Variants in GPHN observed in about 807,000 individuals in gnomAD.
GPHN encodes the protein gephyrin.
A neutral mutation model predicts 95.5 loss-of-function variants in GPHN; 17 were observed. That is an observed-to-expected ratio of 0.18 (90% confidence interval 0.12 to 0.27). The LOEUF is 0.27. Among genes scored for constraint, GPHN ranks in the 10% least tolerant of loss-of-function variants. The probability of loss-of-function intolerance (pLI) is 1.00; values close to 1 mark genes in which losing one functional copy is unlikely to be tolerated. For synonymous variants in GPHN, 320 were observed against 322.5 expected (o/e 0.99, Z 0.08); for missense variants, 660 against 978.1 (o/e 0.67, Z 4.34).
In GPHN at chr14:67,036,501, G is replaced by GCACACACA. The variant is rs762967467; in HGVS notation, c.1006+12859_1006+12866dup. Among the ~76,000 whole-genome samples the GCACACACA allele has an allele frequency of 9.7e-3, 1,141 of 118,170 alleles. 20 individuals carry two copies. Among genetic ancestry groups the GCACACACA allele is most frequent in the Middle Eastern group, 0.031 (7 of 226 alleles). The allele number at this position is 118,170 out of a possible 152,430, so 77.5% of individuals were successfully genotyped here. On this transcript the variant is annotated intron_variant, in intron 10 of 22. Transcript: ENST00000478722. ...GAAAATTCCACTTATATACATACAT[G>GCACACACA]CACACACACACACACACACACACAC...
At chr14:66,643,429 G>T (rs1177493587) in intron 1 of GPHN, among the ~76,000 whole-genome samples, 2 of 152,054 alleles carry the variant, frequency 1.3e-5, no homozygotes, top group African/African-American at 4.8e-5. Context: ...CAAAGGACAT[G>T]TGCAGGAATG....
chr14:67,592,614 G>C, the GPHN span: 1 of 1,464,266 alleles, frequency 6.8e-7, no homozygotes, highest in Non-Finnish European at 9.6e-7. Context: ...TTGGAGAATG[G>C]TAAAAGTATT....
At chr14:67,242,498 G>A in the GPHN span, among the ~76,000 whole-genome samples, 1 of 152,148 alleles carries the variant, frequency 6.6e-6, no homozygotes, top group Non-Finnish European at 1.5e-5. Context: ...TATGCTTTTG[G>A]ATTATACCAG....
At chr14:67,219,065 T>C in the GPHN span, among the ~76,000 whole-genome samples, 1 of 151,712 alleles carries the variant, frequency 6.6e-6, no homozygotes, top group African/African-American at 2.4e-5. Flanking sequence ...CAGAGGTGGC[T>C]CTGGTCTCAA....
intron 19 of GPHN, among the ~76,000 whole-genome samples, chr14:67,159,849 G>T (rs554489375): frequency 6.6e-6 from 1 of 151,984 alleles, no homozygotes; most frequent in South Asian, 2.1e-4. Context: ...AGTAGGGAAC[G>T]AACCCCCACC....
chr14:67,721,744 T>TATATATATATATATGTATAAC, the GPHN span, among the ~76,000 whole-genome samples: 6 of 812 alleles, frequency 7.4e-3, no homozygotes, highest in Admixed American at 0.12. Context: ...TGGGGATATA[T>TATATATATATATATGTATAAC]ATATATATAT....
At chr14:66,676,750 A>G (rs984393622) in intron 1 of GPHN, among the ~76,000 whole-genome samples, 8 of 149,218 alleles carry the variant, frequency 5.4e-5, no homozygotes, top group African/African-American at 9.9e-5. Context: ...TATGCTAATC[A>G]TGGATACTGA....
the GPHN span, among the ~76,000 whole-genome samples, chr14:67,596,699 C>T: frequency 3.9e-5 from 6 of 152,134 alleles, no homozygotes; most frequent in African/African-American, 1.4e-4. Context: ...AAAGAACTCC[C>T]ACCCTTGGTA....
At chr14:66,899,122 C>CTTTTTTTTTTTTTTTTTTT (rs149566081) in intron 5 of GPHN, among the ~76,000 whole-genome samples, 4 of 130,792 alleles carry the variant, frequency 3.1e-5, no homozygotes, top group Non-Finnish European at 5.2e-5. Flanking sequence ...AGGGCTTTTT[C>CTTTTTTTTTTTTTTTTTTT]TTTTTTTTTT....
At chr14:67,417,586 C>T in the GPHN span, among the ~76,000 whole-genome samples, 1 of 151,264 alleles carries the variant, frequency 6.6e-6, no homozygotes, top group Non-Finnish European at 1.5e-5. Flanking sequence ...CATGCACCAA[C>T]ACACTTGGTT....
intron 14 of GPHN, among the ~76,000 whole-genome samples, chr14:67,110,629 C>T (rs540342252): frequency 1.3e-5 from 2 of 152,292 alleles, no homozygotes; most frequent in Non-Finnish European, 2.9e-5. Context: ...GACATACCTT[C>T]CAGCTGAGAA....
At chr14:66,696,672 G>C (rs2068119253) in intron 2 of GPHN, among the ~76,000 whole-genome samples, 1 of 152,186 alleles carries the variant, frequency 6.6e-6, no homozygotes, top group East Asian at 1.9e-4. Flanking sequence ...AGCAAAAGTT[G>C]AGTGGGGAGC....
intron 9 of GPHN, among the ~76,000 whole-genome samples, chr14:66,991,366 A>G (rs1033889325): frequency 4.6e-5 from 7 of 152,242 alleles, no homozygotes; most frequent in African/African-American, 1.4e-4. Flanking sequence ...ATAGAGGAAA[A>G]ATTAATTTTC....
chr14:67,685,061 A>C, the GPHN span: 3 of 1,613,848 alleles, frequency 1.9e-6, no homozygotes, highest in Non-Finnish European at 2.5e-6. Flanking sequence ...GTTAAGGCAC[A>C]GTGCAGGCTG....
the GPHN span, among the ~76,000 whole-genome samples, chr14:67,719,105 A>G: frequency 1.3e-5 from 2 of 152,242 alleles, no homozygotes; most frequent in African/African-American, 4.8e-5. Flanking sequence ...GGGACTCCTC[A>G]TATCGGAGTT....
At chr14:66,644,488 A>G (rs2064618869) in intron 1 of GPHN, among the ~76,000 whole-genome samples, 1 of 152,066 alleles carries the variant, frequency 6.6e-6, no homozygotes, top group Admixed American at 6.6e-5. Context: ...GGTATTTATC[A>G]CAATGTCAAA....
chr14:66,635,774 T>A (rs1037317135), intron 1 of GPHN, among the ~76,000 whole-genome samples: 1 of 152,226 alleles, frequency 6.6e-6, no homozygotes, highest in African/African-American at 2.4e-5. Flanking sequence ...TTAAGGCTTT[T>A]GTGTTTTAGG....
At chr14:67,308,125 G>A in the GPHN span, among the ~76,000 whole-genome samples, 1 of 151,816 alleles carries the variant, frequency 6.6e-6, no homozygotes, top group East Asian at 1.9e-4. Context: ...AGTAACTAAT[G>A]GGTACTAGGC....
At chr14:67,376,405 C>T in the GPHN span, 1 of 1,549,582 alleles carries the variant, frequency 6.5e-7, no homozygotes, top group Non-Finnish European at 8.7e-7. Context: ...AATCTCTTAT[C>T]TTTGAATTGT....
Sources: allele counts gnomAD v4.1 joint callset (sites outside exome capture counted in the v4.1 genomes callset), GRCh38; gene constraint gnomAD v4.1.1; transcripts MANE v1.5; gene names NCBI Gene and HGNC (gene_info 2026-07-23, HGNC 2026-07-21).